SLC16A2: variants seen among roughly 807,000 people sequenced by gnomAD.
SLC16A2 encodes solute carrier family 16 member 2.
SLC16A2 carries 3 observed loss-of-function variants against 27.2 expected under a neutral mutation model. The ratio of observed to expected loss-of-function variants is 0.11; its 90% CI spans 0.05 to 0.28. The LOEUF (loss-of-function observed/expected upper bound fraction) is 0.28. SLC16A2 is among the 10% of genes least tolerant of loss of function. The pLI is 1.00. For synonymous variants in SLC16A2, 202 were observed against 187.8 expected, an observed-to-expected ratio of 1.08 and a Z score of -0.62; for missense variants, 295 against 458.5, an observed-to-expected ratio of 0.64 and a Z score of 3.26.
At chrX:74,525,064 A>T in intron 3 of SLC16A2, among the ~76,000 whole-genome samples, 1 of 111,915 alleles carries the variant, frequency 8.9e-6, no homozygotes, top group Non-Finnish European at 1.9e-5. Flanking sequence ...AAAAATTTAG[A>T]TAGATTTTGA....
At chrX:74,498,028 C>A (rs1929966568) in intron 1 of SLC16A2, among the ~76,000 whole-genome samples, 1 of 111,780 alleles carries the variant, frequency 8.9e-6, no homozygotes, top group Non-Finnish European at 1.9e-5. Context: ...AACCTCCAAG[C>A]AGTCCTTGGT....
rs1930215364 is a variant in SLC16A2 at position 74,510,750 on chromosome X, T to C, written c.431-10240T>C. Among the ~76,000 whole-genome samples, 3 of 111,527 alleles carry C rather than the reference T, an allele frequency of 2.7e-5. No homozygotes were observed. The Admixed American group carries it at 2.9e-4, about 11-fold the overall frequency. On this transcript the variant is annotated intron_variant, in intron 1 of 5. Coordinates refer to ENST00000587091, the MANE Select transcript of SLC16A2 (RefSeq NM_006517.5). The stretch of plus-strand genomic sequence containing the variant: ...CTTATATTTTCAGTGAATATTTGAC[T>C]TTAAAACCTTTGAAACTTGGGCTGG...
rs1188921948 is a variant in SLC16A2, at chrX:74,421,696, A to G, written c.59A>G (p.Gln20Arg). The G allele has an allele frequency of 1.7e-6, 2 of 1,190,544 alleles. No individual in the cohort carries two copies. The highest frequency in any genetic ancestry group is 2.3e-6 in the Non-Finnish European group (2 of 887,025). Residue 20 changes from glutamine to arginine, a missense_variant, in exon 1 of 6, where the codon CAG becomes CGG. Transcript: ENST00000587091. ...EAKGPWQEADQEQQEPVGSPE... is the reference protein window; with the variant it reads ...EAKGPWQEADREQQEPVGSPE... The stretch of plus-strand genomic sequence containing the variant: ...AAGGGGCCCTGGCAGGAGGCAGACC[A>G]GGAACAGCAGGAGCCGGTGGGTAGC...
intron 1 of SLC16A2, chrX:74,473,457 T>C: frequency 1.8e-6 from 1 of 543,167 alleles, no homozygotes; most frequent in Non-Finnish European, 3.3e-6. Flanking sequence ...TATTTCTGAA[T>C]GACAGTCTTA....
intron 1 of SLC16A2, among the ~76,000 whole-genome samples, chrX:74,515,147 A>G (rs185849759): frequency 1.8e-5 from 2 of 112,456 alleles, no homozygotes; most frequent in Admixed American, 1.9e-4. Context: ...AAATCATTGC[A>G]ATCACACTTG....
chrX:74,455,559 C>T (rs1929028083), intron 1 of SLC16A2, among the ~76,000 whole-genome samples: 1 of 110,833 alleles, frequency 9.0e-6, no homozygotes, highest in South Asian at 3.9e-4. Context: ...TGGTAAGTGT[C>T]CATCCAGCCA....
intron 3 of SLC16A2, 89 bp from the exon 4 acceptor site, chrX:74,525,661 C>A: frequency 1.9e-6 from 2 of 1,057,481 alleles, no homozygotes; most frequent in Admixed American, 2.2e-5. Context: ...GGAAAGTAAG[C>A]AGTAGGGGAT....
intron 1 of SLC16A2, among the ~76,000 whole-genome samples, chrX:74,475,486 T>C (rs1264773074): frequency 9.2e-6 from 1 of 108,810 alleles, no homozygotes; most frequent in Non-Finnish European, 1.9e-5. Flanking sequence ...TTAGTTTAAT[T>C]AGATCCCATT....
intron 4 of SLC16A2, among the ~76,000 whole-genome samples, chrX:74,528,607 G>A (rs1930519310): frequency 9.0e-6 from 1 of 111,539 alleles, no homozygotes; most frequent in Non-Finnish European, 1.9e-5. Context: ...AGATGTCTGA[G>A]ATAGGCAGTG....
At chrX:74,511,064 C>T (rs1012984122) in intron 1 of SLC16A2, among the ~76,000 whole-genome samples, 1 of 111,308 alleles carries the variant, frequency 9.0e-6, no homozygotes, top group Admixed American at 9.5e-5. Flanking sequence ...GAGCAAGACC[C>T]TGTCTCTAAA....
chrX:74,487,873 T>C (rs1400233768), intron 1 of SLC16A2, among the ~76,000 whole-genome samples: 1 of 111,984 alleles, frequency 8.9e-6, no homozygotes, highest in African/African-American at 3.2e-5. Context: ...TTAAATAGTT[T>C]AGAAATAAAC....
chrX:74,481,193 T>C (rs901973753), intron 1 of SLC16A2, among the ~76,000 whole-genome samples: 2 of 112,389 alleles, frequency 1.8e-5, no homozygotes, highest in Non-Finnish European at 3.8e-5. Flanking sequence ...GTCTGTAGTA[T>C]TCTTTTCTTG....
intron 1 of SLC16A2, among the ~76,000 whole-genome samples, chrX:74,468,833 T>G (rs1386442743): frequency 8.9e-6 from 1 of 112,038 alleles, no homozygotes; most frequent in African/African-American, 3.2e-5. Context: ...TTAAGAACAT[T>G]CTATTTCCAT....
intron 1 of SLC16A2, among the ~76,000 whole-genome samples, chrX:74,468,943 G>T (rs113526195): frequency 2.3e-4 from 26 of 110,789 alleles, no homozygotes; most frequent in Non-Finnish European, 4.7e-4. Flanking sequence ...CTATATTTTT[G>T]TAACCATTAG....
intron 1 of SLC16A2, among the ~76,000 whole-genome samples, chrX:74,518,895 G>C (rs1230426900): frequency 9.0e-6 from 1 of 111,670 alleles, no homozygotes; most frequent in Non-Finnish European, 1.9e-5. Context: ...TCTGTCTATG[G>C]CTTGCCTTTT....
intron 1 of SLC16A2, among the ~76,000 whole-genome samples, chrX:74,512,276 C>T (rs930766833): frequency 1.9e-4 from 21 of 112,304 alleles, no homozygotes; most frequent in African/African-American, 6.1e-4. Flanking sequence ...TGAATATTTC[C>T]GGCAACACAG....
Position 74,524,340 on chromosome X carries a change from C to T in SLC16A2, c.576-19C>T, listed in dbSNP as rs764144064. Reference sequence around the variant, plus strand: ...GCTGGTCAGGCTGCTGAGGACAGCTCTTGGTATTTCTCCCACAGCTCCCTA... The same window carrying T: ...GCTGGTCAGGCTGCTGAGGACAGCTTTTGGTATTTCTCCCACAGCTCCCTA... On this transcript the variant is annotated intron_variant, in intron 2 of 5. Transcript: ENST00000587091. 8 of 1,205,880 alleles carry T rather than the reference C, an allele frequency of 6.6e-6. No individual in the cohort carries two copies. The East Asian group carries it at 8.9e-5, about 13-fold the overall frequency.
intron 1 of SLC16A2, among the ~76,000 whole-genome samples, chrX:74,439,300 CCTTTCTTCCTTT>C (rs1353076144): frequency 5.3e-5 from 5 of 94,001 alleles, no homozygotes; most frequent in Non-Finnish European, 8.3e-5. Context: ...TTCCTTCCTT[CCTTTCTTCCTTT>C]CTTTCTTTTT....
intron 1 of SLC16A2, among the ~76,000 whole-genome samples, chrX:74,510,246 C>A (rs967551399): frequency 9.0e-6 from 1 of 111,488 alleles, no homozygotes; most frequent in Non-Finnish European, 1.9e-5. Context: ...TCTGTCTTTG[C>A]CTTTGGCCTG....
Sources: gnomAD v4.1 joint callset for allele counts (sites outside exome capture counted in the v4.1 genomes callset) on GRCh38, gnomAD v4.1.1 for gene constraint, MANE v1.5 for transcripts, NCBI Gene and HGNC (gene_info 2026-07-23, HGNC 2026-07-21) for gene names.